The following HAUS6 variants were observed in gnomAD, a reference collection of about 807,000 sequenced individuals.
The protein encoded by HAUS6 is HAUS augmin-like complex subunit 6.
Under a neutral mutation model 106.8 loss-of-function variants are expected in HAUS6, and 80 were observed. That is an observed-to-expected ratio of 0.75 (90% CI 0.63 to 0.90). HAUS6 has a LOEUF of 0.90. Among genes scored for constraint, HAUS6 ranks in the 40% least tolerant of loss-of-function variants. The pLI is 0.00. For missense variants in HAUS6, 1,155 were observed against 1,118.1 expected (o/e 1.03, Z -0.47); for synonymous variants, 356 against 379.1 (o/e 0.94, Z 0.71).
chr9:19,060,050 A>G (rs915129701), intron 15 of HAUS6, 38 bp downstream of exon 15: 6 of 1,548,746 alleles, frequency 3.9e-6, no homozygotes, highest in Non-Finnish European at 5.3e-6. Flanking sequence ...GGTTATGTCG[A>G]TGAAAGAAAA....
intron 4 of HAUS6, among the ~76,000 whole-genome samples, chr9:19,092,370 C>A (rs1164062402): frequency 2.0e-5 from 3 of 151,514 alleles, no homozygotes; most frequent in Non-Finnish European, 4.4e-5. Flanking sequence ...AATCCTAACA[C>A]TTTGGGAGGC....
At chr9:19,072,881 T>C (rs1047901507) in intron 11 of HAUS6, among the ~76,000 whole-genome samples, 1 of 152,076 alleles carries the variant, frequency 6.6e-6, no homozygotes, top group African/African-American at 2.4e-5. Context: ...TATTCTAGAA[T>C]AAAAGTTACT....
intron 10 of HAUS6, 132 bp from the exon 11 acceptor site, chr9:19,076,836 C>T (rs1837018677): frequency 1.7e-6 from 1 of 594,290 alleles, no homozygotes; most frequent in African/African-American, 1.9e-5. Flanking sequence ...TATCAGATAA[C>T]TATTTTTATT....
rs750629797 is a variant in HAUS6, at chr9:19,080,502, T to C, written c.1041A>G (p.Arg347=). The change falls in exon 9 of 17, where the codon AGA becomes AGG. Residue 347 remains arginine, a synonymous_variant. Transcript: ENST00000380502. ...LEKETKFQKE[R]LSDLKHMRYR... ...ACCTCATATGTTTCAGATCTGATAA[T>C]CTTTCCTTCTGAAATTTGGTCTCTT... is the stretch of plus-strand genomic sequence containing the variant. The C allele has an allele frequency of 2.5e-6, 4 of 1,607,498 alleles. No individual in the cohort carries two copies. The South Asian group carries it at 4.4e-5, about 18-fold the overall frequency.
intron 1 of HAUS6, among the ~76,000 whole-genome samples, chr9:19,099,655 T>A (rs139249415): frequency 1.2e-3 from 180 of 152,212 alleles, no homozygotes; most frequent in African/African-American, 4.2e-3. Flanking sequence ...AGAGACAGGG[T>A]CTCACTATGT....
intron 2 of HAUS6, 123 bp from the exon 3 acceptor site, chr9:19,094,518 G>A (rs541135468): frequency 7.1e-5 from 44 of 621,272 alleles, no homozygotes; most frequent in Middle Eastern, 8.8e-4. Flanking sequence ...ATGGCCAAGC[G>A]CGGTGGCTCA....
chr9:19,068,432 A>C (rs547416059), intron 12 of HAUS6, among the ~76,000 whole-genome samples: 1 of 152,132 alleles, frequency 6.6e-6, no homozygotes, highest in Admixed American at 6.6e-5. Context: ...ATTAACATCA[A>C]ATCCAGATAG....
chr9:19,086,942 T>C, intron 6 of HAUS6, 149 bp downstream of exon 6: 1 of 622,036 alleles, frequency 1.6e-6, no homozygotes, highest in South Asian at 2.0e-5. Context: ...AAAACTGGAT[T>C]AGCAGTCATA....
At chr9:19,090,287 C>T (rs187847052) in intron 4 of HAUS6, among the ~76,000 whole-genome samples, 14 of 152,242 alleles carry the variant, frequency 9.2e-5, no homozygotes, top group African/African-American at 3.1e-4. Flanking sequence ...TCTAGAAATA[C>T]ATTTATATCC....
At chr9:19,095,566 A>G (rs1412566150) in intron 2 of HAUS6, among the ~76,000 whole-genome samples, 1 of 152,100 alleles carries the variant, frequency 6.6e-6, no homozygotes, top group African/African-American at 2.4e-5. Flanking sequence ...TACCTTAATA[A>G]TAGGGAATTC....
chr9:19,083,780 G>A (rs554241886), intron 7 of HAUS6, among the ~76,000 whole-genome samples: 149 of 148,348 alleles, frequency 1.0e-3, no homozygotes, highest in Non-Finnish European at 8.8e-4. Flanking sequence ...CCAGCCTAGG[G>A]GACAGAGCAA....
intron 7 of HAUS6, among the ~76,000 whole-genome samples, chr9:19,084,383 T>A (rs1188235560): frequency 1.3e-5 from 2 of 152,116 alleles, no homozygotes; most frequent in East Asian, 3.9e-4. Flanking sequence ...ACTAAACAGG[T>A]TCAAGGAGGA....
intron 11 of HAUS6, among the ~76,000 whole-genome samples, chr9:19,074,502 G>A (rs1003231736): frequency 6.6e-6 from 1 of 152,016 alleles, no homozygotes; most frequent in East Asian, 1.9e-4. Context: ...GAACTCCTGG[G>A]CTTAAGCAAT....
intron 6 of HAUS6, 146 bp from the exon 7 acceptor site, chr9:19,086,928 T>A (rs1405380117): frequency 4.9e-6 from 3 of 618,414 alleles, no homozygotes; most frequent in Non-Finnish European, 8.6e-6. Context: ...AATAATTTAT[T>A]AGGAAAACTG....
chr9:19,087,292 C>G, intron 5 of HAUS6, 136 bp from the exon 6 acceptor site: 3 of 631,986 alleles, frequency 4.7e-6, no homozygotes, highest in Non-Finnish European at 8.5e-6. Flanking sequence ...GGACTCTAGA[C>G]TCTCTTTATC....
intron 5 of HAUS6, among the ~76,000 whole-genome samples, chr9:19,088,191 G>A (rs573229189): frequency 6.6e-6 from 1 of 152,224 alleles, no homozygotes; most frequent in South Asian, 2.1e-4. Flanking sequence ...GAGGCGGGTG[G>A]ATCACCTGAG....
At chr9:19,079,284 T>G (rs925987366) in intron 9 of HAUS6, among the ~76,000 whole-genome samples, 1 of 149,258 alleles carries the variant, frequency 6.7e-6, no homozygotes, top group African/African-American at 2.5e-5. Flanking sequence ...GCTGGAGGAG[T>G]GCAATGGTGC....
At chr9:19,075,250 G>A (rs1836970172) in intron 11 of HAUS6, among the ~76,000 whole-genome samples, 1 of 152,150 alleles carries the variant, frequency 6.6e-6, no homozygotes, top group African/African-American at 2.4e-5. Flanking sequence ...GGGGATTGGG[G>A]GGTGATAGCT....
At chr9:19,099,328 G>A (rs986078809) in intron 1 of HAUS6, among the ~76,000 whole-genome samples, 5 of 151,808 alleles carry the variant, frequency 3.3e-5, no homozygotes, top group Non-Finnish European at 7.4e-5. Flanking sequence ...CAACACGCCC[G>A]GCTAATTTTT....
Sources: gnomAD v4.1 joint callset for allele counts (sites outside exome capture counted in the v4.1 genomes callset) on GRCh38, gnomAD v4.1.1 for gene constraint, MANE v1.5 for transcripts, NCBI Gene and HGNC (gene_info 2026-07-23, HGNC 2026-07-21) for gene names.